SHPRH: variants seen among roughly 807,000 people sequenced by gnomAD.
SHPRH encodes the protein E3 ubiquitin-protein ligase SHPRH.
A neutral mutation model predicts 202.5 loss-of-function variants in SHPRH; 106 were observed. That is an observed-to-expected ratio of 0.52 (90% CI 0.45 to 0.62). The LOEUF (loss-of-function observed/expected upper bound fraction) is 0.62, where lower values mean the gene tolerates loss of function less well. Ranked by LOEUF, SHPRH falls within the 20% of genes least tolerant of loss-of-function variation. The pLI is 0.00. For missense variants in SHPRH, 1,710 were observed against 2,020.0 expected (o/e 0.85, Z 2.94); for synonymous variants, 729 against 686.0 (o/e 1.06, Z -0.98).
rs140206447 is a variant in SHPRH at position 145,923,138 on chromosome 6, G to A, written c.3546-302C>T. Among the ~76,000 whole-genome samples the A allele has an allele frequency of 2.7e-3, 406 of 151,876 alleles. 3 individuals carry two copies. Among genetic ancestry groups the A allele is most frequent in the African/African-American group, 7.9e-3 (329 of 41,480 alleles). On this transcript the variant is annotated intron_variant, in intron 18 of 29. Transcript: ENST00000275233. Reference sequence around the variant, plus strand: ...AAGTGTACGACTGCCACATTCTTCCGTTTTAAGCCTGACTACAGATAGCCT... The same window carrying A: ...AAGTGTACGACTGCCACATTCTTCCATTTTAAGCCTGACTACAGATAGCCT...
rs374462067 is a variant in SHPRH, at chr6:145,890,831, T to C, written c.4874+2384A>G. Among the ~76,000 whole-genome samples, 6 of 152,152 alleles carry C rather than the reference T, an allele frequency of 3.9e-5. No individual in the cohort carries two copies. In the East Asian group the frequency reaches 1.2e-3, roughly 29 times the overall value. On this transcript the variant is annotated intron_variant, in intron 28 of 29. Transcript: ENST00000275233. ...TTCTAGTTGTCCAAGCCAAAACCCATGGTGTTATCCTTGACCCTCTCATAC... is the reference window on the plus strand; with the variant it reads ...TTCTAGTTGTCCAAGCCAAAACCCACGGTGTTATCCTTGACCCTCTCATAC...
intron 2 of SHPRH, among the ~76,000 whole-genome samples, chr6:145,868,520 T>C (rs183871524): frequency 6.6e-6 from 1 of 152,290 alleles, no homozygotes; most frequent in African/African-American, 2.4e-5. Context: ...TGAATGTTAT[T>C]TTTTATTAGG....
chr6:145,922,755 C>A lies in SHPRH; in HGVS notation c.3627G>T (p.Glu1209Asp). The change falls in exon 19 of 30, where the codon GAG becomes GAT. Residue 1209 changes from glutamate (E) to aspartate (D), a missense_variant. Around this residue, in one of 8 missense-constraint regions of SHPRH, gnomAD observed 288 missense variants for 317.8 expected, o/e 0.91. Transcript: ENST00000275233. ...ELNKCQKLVR[E>D]AVKNLEGPPS... is the part of the protein sequence containing the mutation. ...GAGGTCCCTCCAGGTTTTTTACAGCCTCTCTTACTAGCTTCTGGCATTTAT... is the reference window on the plus strand; with the variant it reads ...GAGGTCCCTCCAGGTTTTTTACAGCATCTCTTACTAGCTTCTGGCATTTAT... The A allele has an allele frequency of 3.1e-6, 5 of 1,612,118 alleles. No homozygotes were observed. In the South Asian group the frequency reaches 5.5e-5, roughly 18 times the overall value.
chr6:145,906,833 C>T (rs1459756642), intron 25 of SHPRH: 1 of 152,178 alleles, frequency 6.6e-6, no homozygotes, highest in Admixed American at 6.6e-5. Flanking sequence ...TCATCAGTGA[C>T]CTCATTAGAC....
At chr6:145,897,285 T>C (rs1011661972) in intron 25 of SHPRH, among the ~76,000 whole-genome samples, 5 of 151,932 alleles carry the variant, frequency 3.3e-5, no homozygotes, top group South Asian at 4.1e-4. Flanking sequence ...TCAGAAAATC[T>C]AGAAGAAATG....
chr6:145,961,895 T>G (rs927514263), intron 1 of SHPRH, among the ~76,000 whole-genome samples: 1 of 152,228 alleles, frequency 6.6e-6, no homozygotes, highest in African/African-American at 2.4e-5. Flanking sequence ...AAGAAAATAG[T>G]ATTTGGTCAA....
In SHPRH at chr6:145,955,010, G is replaced by A. The variant is rs762897306; in HGVS notation, c.313C>T (p.Pro105Ser). 6.2e-7 allele frequency: 1 copy of A among 1,613,412 alleles called. No individual in the cohort carries two copies. Among genetic ancestry groups the A allele is most frequent in the African/African-American group, 1.3e-5 (1 of 74,894 alleles). The part of the protein sequence containing the change: ...LSVKLNIVIS[P>S]YHFDNSWKAF... ...TTCCAGGAATTATCAAAATGATAGGGAGAAATCACAATATTTAACTTTACA... is the reference window on the plus strand; with the variant it reads ...TTCCAGGAATTATCAAAATGATAGGAAGAAATCACAATATTTAACTTTACA... Residue 105 changes from proline (P) to serine (S), a missense_variant, in exon 2 of 30, where the codon CCC becomes TCC. Coordinates refer to ENST00000275233, the MANE Select transcript of SHPRH (RefSeq NM_001042683.3).
chr6:145,944,228 T>C (rs997427534), intron 8 of SHPRH, among the ~76,000 whole-genome samples: 3 of 152,134 alleles, frequency 2.0e-5, no homozygotes, highest in Non-Finnish European at 2.9e-5. Context: ...AATTAGCAAA[T>C]TGATTCCTTC....
intron 14 of SHPRH, among the ~76,000 whole-genome samples, chr6:145,930,455 T>G (rs1002980096): frequency 1.3e-5 from 2 of 152,172 alleles, no homozygotes; most frequent in African/African-American, 4.8e-5. Flanking sequence ...TTTATTCACT[T>G]CAAAGTATCT....
In SHPRH at chr6:145,921,335, C is replaced by T. The variant is rs1428916774; in HGVS notation, c.3840G>A (p.Val1280=). 8 of 1,612,688 alleles carry T rather than the reference C, an allele frequency of 5.0e-6. No homozygotes were observed. The highest frequency in any genetic ancestry group is 1.1e-5 in the South Asian group (1 of 91,054). Residue 1280 remains valine (V), a synonymous_variant, in exon 21 of 30, where the codon GTG becomes GTA. Transcript: ENST00000275233. The part of the protein sequence containing the change: ...EEMIEDEEGL[V]DDRAPTTTRG... ...GGGTGGTGGTAGGTGCTCGATCATCCACCAGTCCTTCTTCATCTTCTATCA... is the reference window on the plus strand; with the variant it reads ...GGGTGGTGGTAGGTGCTCGATCATCTACCAGTCCTTCTTCATCTTCTATCA...
At position 145,935,409 on chromosome 6, in the gene SHPRH, C is replaced by G; in HGVS notation, c.2602G>C (p.Glu868Gln). The G allele has an allele frequency of 6.2e-7, 1 of 1,613,742 alleles. No homozygotes were observed. Reference sequence around the variant, plus strand: ...CACCAGTGTTTGACACAGTAAGGTTCAATACCAAGAAAGACCACTAACCCA... The same window carrying G: ...CACCAGTGTTTGACACAGTAAGGTTGAATACCAAGAAAGACCACTAACCCA... ...LFGLVVFLGI[E>Q]PYCVKHWWVR... The change falls in exon 12 of 30, where the codon GAA becomes CAA. Residue 868 changes from glutamate to glutamine, a missense_variant. This residue lies in a region of SHPRH where 277 missense variants were observed against 363.0 expected (regional missense o/e 0.76). Coordinates refer to ENST00000275233, the MANE Select transcript of SHPRH (RefSeq NM_001042683.3).
chr6:145,960,232 G>A (rs570051579), intron 1 of SHPRH, among the ~76,000 whole-genome samples: 3 of 152,080 alleles, frequency 2.0e-5, no homozygotes, highest in East Asian at 1.9e-4. Context: ...GTGTATTACT[G>A]CAAATCCAAT....
At chr6:145,861,640 T>C (rs945465329), downstream of SHPRH, among the ~76,000 whole-genome samples, 8 of 152,152 alleles carry the variant, frequency 5.3e-5, no homozygotes, top group African/African-American at 1.7e-4. Context: ...GAGATATCCA[T>C]CCTCCCATAT....
intron 25 of SHPRH, chr6:145,909,589 C>T (rs531113650): frequency 6.6e-6 from 1 of 152,194 alleles, no homozygotes; most frequent in Admixed American, 6.6e-5. Context: ...GCTGATTCTA[C>T]TTAAAAAACA....
In SHPRH at chr6:145,924,831, C is replaced by G. The variant is rs983851850; in HGVS notation, c.3310G>C (p.Glu1104Gln). The G allele has an allele frequency of 5.6e-6, 9 of 1,611,176 alleles. No homozygotes were observed. The African/African-American group carries it at 6.7e-5, about 12-fold the overall frequency. ...GTATTACACTTGCTCATGTAGTGCT[C>G]TCGCAGCTGTTTGGCCTGTGTTGAA... Reference protein sequence around the residue: ...RLEEEAKQLREHYMSKCNTEV... With the variant: ...RLEEEAKQLRQHYMSKCNTEV... The change falls in exon 17 of 30, where the codon GAG (glutamate) becomes CAG (glutamine). Residue 1104 changes from glutamate (E) to glutamine (Q), a missense_variant. This residue lies in a region of SHPRH where 288 missense variants were observed against 317.8 expected (regional missense o/e 0.91). Coordinates refer to ENST00000275233, the MANE Select transcript of SHPRH (RefSeq NM_001042683.3).
chr6:145,893,005 A>G (rs1328167633), intron 28 of SHPRH, among the ~76,000 whole-genome samples: 1 of 151,966 alleles, frequency 6.6e-6, no homozygotes, highest in Non-Finnish European at 1.5e-5. Flanking sequence ...TCTTGGAGAG[A>G]AGGGAGGGTT....
chr6:145,938,892 T>C (rs570944783), intron 11 of SHPRH, among the ~76,000 whole-genome samples: 1 of 152,252 alleles, frequency 6.6e-6, no homozygotes, highest in South Asian at 2.1e-4. Flanking sequence ...ATATTTGACA[T>C]CCCAAGTAGA....
chr6:145,907,349 T>C (rs1473653092), intron 25 of SHPRH: 1 of 152,296 alleles, frequency 6.6e-6, no homozygotes, highest in Non-Finnish European at 1.5e-5. Context: ...CCATTACTCC[T>C]GCTGTAGCCT....
At chr6:145,920,313 T>C (rs1400400388) in intron 21 of SHPRH, among the ~76,000 whole-genome samples, 4 of 152,166 alleles carry the variant, frequency 2.6e-5, no homozygotes, top group South Asian at 2.1e-4. Context: ...AAAGGAAGAA[T>C]ACAGGGGCAA....
Sources: allele counts gnomAD v4.1 joint callset (sites outside exome capture counted in the v4.1 genomes callset), GRCh38; gene constraint gnomAD v4.1.1; regional missense constraint gnomAD v4.1.1; transcripts MANE v1.5; gene names NCBI Gene and HGNC (gene_info 2026-07-23, HGNC 2026-07-21).